The following RBFOX1 variants were observed in gnomAD, a reference collection of about 807,000 sequenced individuals.
RBFOX1 encodes RNA binding fox-1 homolog 1, also known as RNA binding protein fox-1 homolog 1.
A neutral mutation model predicts 57.7 loss-of-function variants in RBFOX1; 8 were observed. That is an observed-to-expected ratio of 0.14 (90% confidence interval 0.08 to 0.25). RBFOX1 has a LOEUF of 0.25. Ranked by LOEUF, RBFOX1 falls within the 10% of genes least tolerant of loss-of-function variation. The pLI is 1.00. For missense variants in RBFOX1, 611 were observed against 548.5 expected, an observed-to-expected ratio of 1.11 and a Z score of -1.14; for synonymous variants, 326 against 222.4, an observed-to-expected ratio of 1.47 and a Z score of -4.15.
chr16:6,065,734 C>G (rs1456011334), intron 1 of RBFOX1, among the ~76,000 whole-genome samples: 1 of 152,170 alleles, frequency 6.6e-6, no homozygotes, highest in Non-Finnish European at 1.5e-5. Context: ...AAGTTCCAGA[C>G]AGTGTCTCTG....
At chr16:6,282,861 G>A (rs914047828) in intron 1 of RBFOX1, among the ~76,000 whole-genome samples, 4 of 152,140 alleles carry the variant, frequency 2.6e-5, no homozygotes, top group African/African-American at 4.8e-5. Flanking sequence ...TTTGTTATTT[G>A]CCAACTACTT....
intron 3 of RBFOX1, among the ~76,000 whole-genome samples, chr16:6,716,653 C>T (rs2064885099): frequency 6.6e-6 from 1 of 152,172 alleles, no homozygotes; most frequent in Non-Finnish European, 1.5e-5. Flanking sequence ...AGGTATCTGC[C>T]CATGACTCAG....
intron 1 of RBFOX1, among the ~76,000 whole-genome samples, chr16:6,116,900 T>C (rs1236518824): frequency 1.3e-5 from 2 of 151,632 alleles, no homozygotes; most frequent in African/African-American, 2.4e-5. Flanking sequence ...TAAGATGAAA[T>C]TGGGAGACAG....
intron 2 of RBFOX1, among the ~76,000 whole-genome samples, chr16:6,344,355 A>G (rs900368877): frequency 6.7e-5 from 10 of 148,154 alleles, no homozygotes; most frequent in Non-Finnish European, 1.3e-4. Flanking sequence ...CCGGCCTGGT[A>G]TTATACAATT....
At chr16:6,673,710 C>A (rs2098782609) in intron 3 of RBFOX1, among the ~76,000 whole-genome samples, 1 of 152,132 alleles carries the variant, frequency 6.6e-6, no homozygotes, top group African/African-American at 2.4e-5. Context: ...ATGTGCCTGG[C>A]AGAGAGAAGA....
At chr16:6,526,619 A>G (rs2096581345) in intron 2 of RBFOX1, among the ~76,000 whole-genome samples, 1 of 152,002 alleles carries the variant, frequency 6.6e-6, no homozygotes, top group Non-Finnish European at 1.5e-5. Context: ...TCACGAGGTC[A>G]GGAAATCAAG....
intron 3 of RBFOX1, among the ~76,000 whole-genome samples, chr16:5,678,841 A>G (rs530591191): frequency 7.9e-5 from 12 of 152,338 alleles, no homozygotes; most frequent in East Asian, 3.9e-4. Flanking sequence ...TTGCTACTCA[A>G]TGCTCACTCT....
chr16:5,811,688 G>T (rs2055437810), intron 3 of RBFOX1, among the ~76,000 whole-genome samples: 1 of 151,212 alleles, frequency 6.6e-6, no homozygotes, highest in Non-Finnish European at 1.5e-5. Context: ...TGACTTCGTG[G>T]TCTGCCCGCC....
At chr16:5,909,887 C>T (rs1261884961) in intron 4 of RBFOX1, among the ~76,000 whole-genome samples, 2 of 151,808 alleles carry the variant, frequency 1.3e-5, no homozygotes, top group Non-Finnish European at 2.9e-5. Context: ...ACCCCGTCTC[C>T]ACTAAAAATA....
intron 4 of RBFOX1, among the ~76,000 whole-genome samples, chr16:7,491,755 T>C (rs2067051193): frequency 6.6e-6 from 1 of 152,128 alleles, no homozygotes; most frequent in South Asian, 2.1e-4. Flanking sequence ...TTCAGCCCCC[T>C]GAGTAGCTAG....
chr16:6,868,294 G>T (rs1031204541), intron 3 of RBFOX1, among the ~76,000 whole-genome samples: 4 of 152,168 alleles, frequency 2.6e-5, no homozygotes, highest in Admixed American at 1.3e-4. Flanking sequence ...GACACAGAAA[G>T]TGGTTTGCTG....
intron 4 of RBFOX1, among the ~76,000 whole-genome samples, chr16:7,282,188 G>C (rs1171542418): frequency 6.6e-6 from 1 of 152,112 alleles, no homozygotes. Flanking sequence ...TGAAAAGGGA[G>C]GACAGAATCC....
chr16:7,319,515 G>A (rs1179666255), intron 4 of RBFOX1, among the ~76,000 whole-genome samples: 2 of 152,134 alleles, frequency 1.3e-5, no homozygotes, highest in Non-Finnish European at 2.9e-5. Context: ...TTTGGAGACT[G>A]TACAATCTGT....
intron 4 of RBFOX1, among the ~76,000 whole-genome samples, chr16:7,213,333 A>C (rs140455503): frequency 1.3e-5 from 2 of 152,288 alleles, no homozygotes; most frequent in Non-Finnish European, 2.9e-5. Flanking sequence ...AGCCCAAACC[A>C]ATTAAAGATA....
At chr16:7,709,518 G>C (rs1372475670) in intron 15 of RBFOX1, 2 of 1,529,958 alleles carry the variant, frequency 1.3e-6, no homozygotes, top group Non-Finnish European at 1.7e-6. Context: ...CCCCAGCACA[G>C]ACTTCAGAGG....
At chr16:5,642,591 A>G (rs11076949) in intron 3 of RBFOX1, among the ~76,000 whole-genome samples, 90,276 of 152,052 alleles carry the variant, frequency 0.59, 30,171 homozygotes, top group Non-Finnish European at 0.76. Context: ...AGATTGTGCA[A>G]ACTTGAATGT....
At chr16:6,307,339 C>T (rs1404838961) in intron 1 of RBFOX1, among the ~76,000 whole-genome samples, 4 of 151,768 alleles carry the variant, frequency 2.6e-5, no homozygotes, top group South Asian at 2.1e-4. Context: ...GCCAAGATCG[C>T]GCACTGCACT....
At chr16:5,908,848 C>T (rs1204667322) in intron 4 of RBFOX1, among the ~76,000 whole-genome samples, 1 of 151,818 alleles carries the variant, frequency 6.6e-6, no homozygotes, top group African/African-American at 2.4e-5. Context: ...AGGGTGAAGC[C>T]TTCATGAGTG....
chr16:7,182,913 G>A (rs1342927815), intron 4 of RBFOX1, among the ~76,000 whole-genome samples: 5 of 152,044 alleles, frequency 3.3e-5, no homozygotes, highest in South Asian at 2.1e-4. Context: ...TACATGCCCT[G>A]GTCATAAATT....
Sources: allele counts gnomAD v4.1 joint callset (sites outside exome capture counted in the v4.1 genomes callset), GRCh38; gene constraint gnomAD v4.1.1; transcripts MANE v1.5; gene names NCBI Gene and HGNC (gene_info 2026-07-23, HGNC 2026-07-21).